Variants in PRKN observed in about 807,000 individuals in gnomAD.
PRKN encodes E3 ubiquitin-protein ligase parkin.
In PRKN, 56 loss-of-function variants were observed where a neutral mutation model predicts 59.5. That is an observed-to-expected ratio of 0.94 (90% CI 0.76 to 1.18). PRKN has a LOEUF of 1.18. Among genes scored for constraint, PRKN ranks in the 50% most tolerant of loss-of-function variants. The pLI is 0.00. For synonymous variants in PRKN, 250 were observed against 222.1 expected (o/e 1.13, Z -1.12); for missense variants, 657 against 596.4 (o/e 1.10, Z -1.06).
At chr6:162,661,489 A>T (rs1019547057) in intron 1 of PRKN, among the ~76,000 whole-genome samples, 1 of 152,156 alleles carries the variant, frequency 6.6e-6, no homozygotes, top group South Asian at 2.1e-4. Flanking sequence ...CCCACGGACA[A>T]TGAGGTTAGT....
At chr6:162,030,779 G>C (rs1783605324) in intron 5 of PRKN, among the ~76,000 whole-genome samples, 1 of 152,154 alleles carries the variant, frequency 6.6e-6, no homozygotes, top group Admixed American at 6.5e-5. Flanking sequence ...AGAGCTCTAG[G>C]TACTGGAATT....
At chr6:161,543,555 T>C (rs968758928) in intron 9 of PRKN, among the ~76,000 whole-genome samples, 2 of 152,190 alleles carry the variant, frequency 1.3e-5, no homozygotes, top group African/African-American at 2.4e-5. Context: ...AGAGTGACTG[T>C]TAGATGCCTT....
At chr6:161,883,522 G>A (rs1388505482) in intron 6 of PRKN, among the ~76,000 whole-genome samples, 1 of 151,452 alleles carries the variant, frequency 6.6e-6, no homozygotes, top group Non-Finnish European at 1.5e-5. Flanking sequence ...GGGAGGGGAG[G>A]GGAGGGCAGA....
At chr6:162,115,753 T>C (rs1399442496) in intron 4 of PRKN, among the ~76,000 whole-genome samples, 25 of 152,052 alleles carry the variant, frequency 1.6e-4, no homozygotes, top group Admixed American at 1.6e-3. Context: ...CTTCTGGAGA[T>C]AGATAAAAGC....
intron 3 of PRKN, among the ~76,000 whole-genome samples, chr6:162,213,451 G>T (rs1413039427): frequency 6.9e-6 from 1 of 144,658 alleles, no homozygotes; most frequent in South Asian, 2.1e-4. Context: ...AACGATGCTG[G>T]GCACAGTGGC....
chr6:161,786,543 C>G (rs1341060515), intron 6 of PRKN, among the ~76,000 whole-genome samples: 1 of 151,856 alleles, frequency 6.6e-6, no homozygotes, highest in African/African-American at 2.4e-5. Flanking sequence ...AACAGATTTT[C>G]AAAATTCTGC....
chr6:161,856,150 A>G (rs1229870437), intron 6 of PRKN, among the ~76,000 whole-genome samples: 2 of 152,162 alleles, frequency 1.3e-5, no homozygotes, highest in East Asian at 3.9e-4. Context: ...ACCTGAGGTC[A>G]GGAGTTCAAG....
rs201389927 is a variant in PRKN, at chr6:161,537,686, C to T, written c.1083+11168G>A. Among the ~76,000 whole-genome samples, 101 of 152,212 alleles carry T rather than the reference C, an allele frequency of 6.6e-4. 1 individual carries two copies. In the South Asian group the frequency reaches 8.5e-3, roughly 13 times the overall value. On this transcript the variant is annotated intron_variant, in intron 9 of 11. Transcript: ENST00000366898. ...CTGGATGGTCTCGATCTCCTGACCTCGTGATCCGCCCGCCTTAGCCTCCCA... is the reference window on the plus strand; with the variant it reads ...CTGGATGGTCTCGATCTCCTGACCTTGTGATCCGCCCGCCTTAGCCTCCCA...
intron 1 of PRKN, chr6:162,568,914 G>A: frequency 4.4e-6 from 3 of 676,570 alleles, no homozygotes; most frequent in Middle Eastern, 4.3e-4. Context: ...GGACATGGAT[G>A]ATGCTTACGT....
intron 5 of PRKN, among the ~76,000 whole-genome samples, chr6:162,043,088 G>A (rs1425204594): frequency 6.6e-6 from 1 of 152,116 alleles, no homozygotes; most frequent in Non-Finnish European, 1.5e-5. Flanking sequence ...AGAAAAATGA[G>A]GAAGAAGCAA....
chr6:162,444,430 T>TA (rs1179877744), intron 1 of PRKN, among the ~76,000 whole-genome samples: 2 of 151,926 alleles, frequency 1.3e-5, no homozygotes, highest in Non-Finnish European at 2.9e-5. Flanking sequence ...AGCACAAACC[T>TA]ACATTCCAGC....
intron 2 of PRKN, among the ~76,000 whole-genome samples, chr6:162,403,027 C>T (rs1001765171): frequency 3.9e-5 from 6 of 152,168 alleles, no homozygotes; most frequent in Non-Finnish European, 8.8e-5. Flanking sequence ...ATGAAGATCT[C>T]ATCTAGTCTC....
At position 161,579,907 on chromosome 6, in the gene PRKN, A is replaced by G. The variant is rs1177609199; in HGVS notation, c.872-10491T>C. Among the ~76,000 whole-genome samples the G allele has an allele frequency of 6.6e-6, 1 of 152,198 alleles. No individual in the cohort carries two copies. The highest frequency in any genetic ancestry group is 6.5e-5 in the Admixed American group (1 of 15,278). On this transcript the variant is annotated intron_variant, in intron 7 of 11. Transcript: ENST00000366898. This position sits in a 1 kb window ranked among gnomAD's most constrained non-coding sequence, Gnocchi z 4.2. ...TCTTAGCGTAGGCATAACTGCATTC[A>G]TTACTGAAAGGCATCTTTCAAATTC...
chr6:161,900,816 AAT>A (rs1288238071), intron 6 of PRKN, among the ~76,000 whole-genome samples: 1 of 141,736 alleles, frequency 7.1e-6, no homozygotes, highest in East Asian at 2.0e-4. Flanking sequence ...AATAATATGT[AAT>A]ATATATTATG....
chr6:161,724,478 A>T (rs1787358454), intron 7 of PRKN, among the ~76,000 whole-genome samples: 2 of 152,188 alleles, frequency 1.3e-5, no homozygotes, highest in Non-Finnish European at 2.9e-5. Flanking sequence ...GTGAATTGGA[A>T]AGCTGAAAAA....
intron 7 of PRKN, among the ~76,000 whole-genome samples, chr6:161,695,180 A>T (rs1347067751): frequency 6.6e-6 from 1 of 152,170 alleles, no homozygotes. Flanking sequence ...GGTTAAGGGC[A>T]ATAGAATTGA....
intron 6 of PRKN, among the ~76,000 whole-genome samples, chr6:161,792,950 T>G (rs1790695919): frequency 6.6e-6 from 1 of 152,208 alleles, no homozygotes; most frequent in South Asian, 2.1e-4. Flanking sequence ...CATTTTAATT[T>G]GATCTATATT....
intron 4 of PRKN, among the ~76,000 whole-genome samples, chr6:162,086,298 C>T (rs763299523): frequency 6.6e-6 from 1 of 152,048 alleles, no homozygotes; most frequent in Non-Finnish European, 1.5e-5. Flanking sequence ...TGAGTGGACT[C>T]TTTATGTTAT....
At chr6:162,476,951 T>C (rs1015004265) in intron 1 of PRKN, among the ~76,000 whole-genome samples, 6 of 152,140 alleles carry the variant, frequency 3.9e-5, no homozygotes, top group African/African-American at 9.7e-5. Context: ...ATCCTGCCTG[T>C]GGTGTCTGGC....
Sources: allele counts gnomAD v4.1 joint callset (sites outside exome capture counted in the v4.1 genomes callset), GRCh38; gene constraint gnomAD v4.1.1; non-coding constraint Gnocchi (gnomAD v3.1); transcripts MANE v1.5; gene names NCBI Gene and HGNC (gene_info 2026-07-23, HGNC 2026-07-21).